CSMD3: variants seen among roughly 807,000 people sequenced by gnomAD.
CSMD3 encodes the protein CUB and Sushi multiple domains 3, also known as CUB and sushi domain-containing protein 3.
A neutral mutation model predicts 435.2 loss-of-function variants in CSMD3; 177 were observed. That is an observed-to-expected ratio of 0.41 (90% CI 0.36 to 0.46). The LOEUF (loss-of-function observed/expected upper bound fraction) is 0.46. Ranked by LOEUF, CSMD3 falls within the 20% of genes least tolerant of loss-of-function variation. The pLI, the probability that CSMD3 is intolerant of heterozygous loss-of-function variation, is 0.34. For synonymous variants in CSMD3, 1,656 were observed against 1,520.5 expected (o/e 1.09, Z -2.07); for missense variants, 4,265 against 4,504.6 (o/e 0.95, Z 1.52).
chr8:112,788,329 T>G (rs1269117091), intron 13 of CSMD3, among the ~76,000 whole-genome samples: 1 of 152,018 alleles, frequency 6.6e-6, no homozygotes, highest in East Asian at 1.9e-4. Flanking sequence ...GTCTTTCAGC[T>G]TTATCTAGTA....
At chr8:112,643,840 G>A (rs977893161) in intron 20 of CSMD3, among the ~76,000 whole-genome samples, 1 of 151,978 alleles carries the variant, frequency 6.6e-6, no homozygotes, top group East Asian at 1.9e-4. Context: ...AACTAGTCCT[G>A]ACATAATTCT....
intron 10 of CSMD3, among the ~76,000 whole-genome samples, chr8:112,920,411 A>T (rs1187149911): frequency 6.6e-6 from 1 of 151,930 alleles, no homozygotes; most frequent in Admixed American, 6.6e-5. Flanking sequence ...ATATAACATC[A>T]TTTAATTATA....
At chr8:112,672,150 G>C (rs2075672171) in intron 16 of CSMD3, among the ~76,000 whole-genome samples, 1 of 152,018 alleles carries the variant, frequency 6.6e-6, no homozygotes. Flanking sequence ...ACTGTCCCAG[G>C]GGCATTAGGA....
intron 31 of CSMD3, among the ~76,000 whole-genome samples, chr8:112,477,584 T>C (rs1285257197): frequency 6.6e-6 from 1 of 152,054 alleles, no homozygotes; most frequent in Non-Finnish European, 1.5e-5. Flanking sequence ...TGAGATCTGG[T>C]CATTTAAAGG....
intron 22 of CSMD3, among the ~76,000 whole-genome samples, chr8:112,610,183 A>G (rs1301055224): frequency 6.6e-6 from 1 of 152,150 alleles, no homozygotes; most frequent in Non-Finnish European, 1.5e-5. Context: ...ATGCACACAC[A>G]CACAGTGTAA....
chr8:112,334,783 T>C (rs1824405857), intron 45 of CSMD3, among the ~76,000 whole-genome samples: 2 of 152,198 alleles, frequency 1.3e-5, no homozygotes, highest in Non-Finnish European at 2.9e-5. Flanking sequence ...TGAAATCAAA[T>C]TGAGACTATA....
intron 28 of CSMD3, among the ~76,000 whole-genome samples, chr8:112,507,505 A>G (rs1420982956): frequency 6.6e-6 from 1 of 152,216 alleles, no homozygotes; most frequent in African/African-American, 2.4e-5. Flanking sequence ...AGTGGGAAAT[A>G]CAAATAAATA....
intron 4 of CSMD3, among the ~76,000 whole-genome samples, chr8:113,112,908 A>G (rs1383379958): frequency 1.3e-5 from 2 of 152,210 alleles, no homozygotes; most frequent in Non-Finnish European, 2.9e-5. Flanking sequence ...GCCTTTTAAC[A>G]TGATCAAAAC....
At chr8:112,227,134 T>G (rs1163140547) in intron 70 of CSMD3, among the ~76,000 whole-genome samples, 1 of 152,178 alleles carries the variant, frequency 6.6e-6, no homozygotes, top group Non-Finnish European at 1.5e-5. Flanking sequence ...ATGTGTACAG[T>G]AGCACTATTC....
chr8:112,802,638 A>G (rs111331779), intron 12 of CSMD3, among the ~76,000 whole-genome samples: 2,913 of 152,020 alleles, frequency 0.019, 52 homozygotes, highest in Middle Eastern at 0.048. Flanking sequence ...TGAGCTGGCA[A>G]AAGATTTTAT....
chr8:112,848,746 G>A (rs1587469525), intron 11 of CSMD3, among the ~76,000 whole-genome samples: 1 of 152,054 alleles, frequency 6.6e-6, no homozygotes, highest in Non-Finnish European at 1.5e-5. Flanking sequence ...ATTCAGAGAG[G>A]TGAGATGATC....
chr8:112,299,599 T>C (rs1258654195), intron 53 of CSMD3, among the ~76,000 whole-genome samples: 1 of 152,078 alleles, frequency 6.6e-6, no homozygotes, highest in Non-Finnish European at 1.5e-5. Flanking sequence ...TTCCTTTAAT[T>C]GAAAAATTCA....
intron 4 of CSMD3, among the ~76,000 whole-genome samples, chr8:113,126,600 T>C (rs1008585711): frequency 2.6e-5 from 4 of 151,820 alleles, no homozygotes; most frequent in Non-Finnish European, 5.9e-5. Context: ...AGAATACAAT[T>C]TGAGACAGAT....
At chr8:113,428,257 T>TATCTA (rs1554637357) in intron 1 of CSMD3, among the ~76,000 whole-genome samples, 1 of 146,430 alleles carries the variant, frequency 6.8e-6, no homozygotes, top group East Asian at 1.9e-4. Flanking sequence ...TCTATCTATC[T>TATCTA]ATCTTTCTGT....
intron 13 of CSMD3, among the ~76,000 whole-genome samples, chr8:112,752,900 C>CGTGTGTGTGTGTGT (rs10617885): frequency 1.4e-5 from 2 of 146,498 alleles, no homozygotes; most frequent in Non-Finnish European, 3.0e-5. Context: ...TTTGTTACCG[C>CGTGTGTGTGTGTGT]GTGTGTGTGT....
chr8:112,277,388 A>G (rs1396728970), intron 59 of CSMD3, among the ~76,000 whole-genome samples: 2 of 152,162 alleles, frequency 1.3e-5, no homozygotes, highest in Non-Finnish European at 2.9e-5. Context: ...TCCAGTTTCC[A>G]ACAAGTTCCT....
chr8:112,359,560 A>G (rs1451184235), intron 38 of CSMD3, among the ~76,000 whole-genome samples: 1 of 152,266 alleles, frequency 6.6e-6, no homozygotes, highest in African/African-American at 2.4e-5. Context: ...ATGCCTAATT[A>G]TGCAAAGGAA....
intron 18 of CSMD3, among the ~76,000 whole-genome samples, chr8:112,653,761 G>A (rs2075189305): frequency 6.6e-6 from 1 of 150,720 alleles, no homozygotes; most frequent in Non-Finnish European, 1.5e-5. Context: ...CCAGGTTCAA[G>A]TGATTCTCCT....
intron 13 of CSMD3, among the ~76,000 whole-genome samples, chr8:112,786,852 A>G (rs1269696906): frequency 6.6e-6 from 1 of 152,072 alleles, no homozygotes; most frequent in African/African-American, 2.4e-5. Flanking sequence ...CCCAAAATCT[A>G]CATTAGGTAT....
Sources: gnomAD v4.1 joint callset for allele counts (sites outside exome capture counted in the v4.1 genomes callset) on GRCh38, gnomAD v4.1.1 for gene constraint, MANE v1.5 for transcripts, NCBI Gene and HGNC (gene_info 2026-07-23, HGNC 2026-07-21) for gene names.